The following RAP1GDS1 variants were observed in gnomAD, a reference collection of about 807,000 sequenced individuals.
RAP1GDS1 encodes the protein RAP1, GTP-GDP dissociation stimulator 1.
In RAP1GDS1, 35 loss-of-function variants were observed where a neutral mutation model predicts 71.1. That is an observed-to-expected ratio of 0.49 (90% CI 0.38 to 0.65). The LOEUF is 0.65. RAP1GDS1 is among the 30% of genes least tolerant of loss of function. The pLI, the probability that RAP1GDS1 is intolerant of heterozygous loss-of-function variation, is 0.00. For synonymous variants in RAP1GDS1, 229 were observed against 243.1 expected, an observed-to-expected ratio of 0.94 and a Z score of 0.54; for missense variants, 663 against 706.1, an observed-to-expected ratio of 0.94 and a Z score of 0.69.
Position 98,404,465 on chromosome 4 carries a change from T to C in RAP1GDS1, c.638-12T>C. The C allele has an allele frequency of 1.3e-6, 2 of 1,564,866 alleles. No individual in the cohort carries two copies. Among genetic ancestry groups the C allele is most frequent in the Non-Finnish European group, 1.7e-6 (2 of 1,165,276 alleles). On this transcript the variant is annotated splice_polypyrimidine_tract_variant and intron_variant, in intron 6 of 14. Transcript: ENST00000408927. ...CTTTATTTGGTTTAAGTTTTTCTTTTTTATTTTACAGAGTCAAGTAAAGAA... is the reference window on the plus strand; with the variant it reads ...CTTTATTTGGTTTAAGTTTTTCTTTCTTATTTTACAGAGTCAAGTAAAGAA...
intron 5 of RAP1GDS1, among the ~76,000 whole-genome samples, chr4:98,383,803 A>G (rs1323377959): frequency 4.0e-5 from 6 of 151,602 alleles, no homozygotes; most frequent in African/African-American, 1.4e-4. Context: ...TTCATAATTA[A>G]AAACTAAAAA....
At chr4:98,367,114 G>A (rs557545280) in intron 4 of RAP1GDS1, among the ~76,000 whole-genome samples, 60 of 152,210 alleles carry the variant, frequency 3.9e-4, no homozygotes, top group African/African-American at 1.3e-3. Context: ...TTTGTGGGCC[G>A]GGCCTAGGGC....
At chr4:98,293,301 G>GC (rs1415199413) in intron 1 of RAP1GDS1, 107 bp from the exon 2 acceptor site, 1 of 693,798 alleles carries the variant, frequency 1.4e-6, no homozygotes, top group African/African-American at 1.8e-5. Flanking sequence ...AGGTTAATTT[G>GC]CTATTATAGG....
chr4:98,305,676 T>C (rs1299804827), intron 2 of RAP1GDS1, among the ~76,000 whole-genome samples: 2 of 152,188 alleles, frequency 1.3e-5, no homozygotes, highest in East Asian at 1.9e-4. Context: ...CGATATGCTC[T>C]GAAGCACTGT....
rs562161755 is a variant in RAP1GDS1, at chr4:98,412,644, TG to T, written c.764-4100del. On this transcript the variant is annotated intron_variant, in intron 7 of 14. Transcript: ENST00000408927. ...GGTTAAGATACAAAGATGAGTAAGG[TG>T]TATCTATTGGGGGAACCAGCCCCCA... Among the ~76,000 whole-genome samples the T allele has an allele frequency of 7.2e-5, 11 of 152,280 alleles. No homozygotes were observed. In the South Asian group the frequency reaches 2.3e-3, roughly 32 times the overall value.
intron 1 of RAP1GDS1, among the ~76,000 whole-genome samples, chr4:98,269,565 G>A (rs557693569): frequency 5.3e-5 from 8 of 152,096 alleles, no homozygotes; most frequent in Non-Finnish European, 8.8e-5. Context: ...TTTGCAAGCC[G>A]TATATCCGAT....
intron 1 of RAP1GDS1, among the ~76,000 whole-genome samples, chr4:98,277,733 G>A (rs1279590997): frequency 6.6e-6 from 1 of 152,096 alleles, no homozygotes; most frequent in African/African-American, 2.4e-5. Flanking sequence ...GTAAATACTT[G>A]TTTGTAGATG....
chr4:98,348,685 T>A (rs1339230734), intron 3 of RAP1GDS1, among the ~76,000 whole-genome samples: 1 of 152,176 alleles, frequency 6.6e-6, no homozygotes, highest in Non-Finnish European at 1.5e-5. Flanking sequence ...TGTATCTCAT[T>A]GTGGTTTTGA....
At chr4:98,373,880 A>T (rs1740771296) in intron 4 of RAP1GDS1, among the ~76,000 whole-genome samples, 1 of 152,168 alleles carries the variant, frequency 6.6e-6, no homozygotes, top group Non-Finnish European at 1.5e-5. Flanking sequence ...CGATACCGTG[A>T]CAGCTGATCT....
chr4:98,404,714 A>T, intron 7 of RAP1GDS1, 112 bp downstream of exon 7: 1 of 1,316,192 alleles, frequency 7.6e-7, no homozygotes, highest in African/African-American at 1.5e-5. Context: ...TATTAGTGAT[A>T]TGTTTTATTT....
chr4:98,284,478 T>G (rs1414127545), intron 1 of RAP1GDS1, among the ~76,000 whole-genome samples: 2 of 152,206 alleles, frequency 1.3e-5, no homozygotes, highest in East Asian at 3.8e-4. Flanking sequence ...TAATGCTGTT[T>G]ATTGTACTAT....
chr4:98,415,706 A>G (rs1297368981), intron 7 of RAP1GDS1, among the ~76,000 whole-genome samples: 2 of 152,156 alleles, frequency 1.3e-5, no homozygotes, highest in Non-Finnish European at 2.9e-5. Flanking sequence ...TTAAAAATGT[A>G]ATTGGGATGT....
At chr4:98,425,762 G>GTTTTT in intron 12 of RAP1GDS1, among the ~76,000 whole-genome samples, 1 of 152,090 alleles carries the variant, frequency 6.6e-6, no homozygotes, top group African/African-American at 2.4e-5. Context: ...AAGATAGACA[G>GTTTTT]TAACACAATA....
intron 14 of RAP1GDS1, chr4:98,441,401 A>T (rs1751850850): frequency 1.0e-6 from 1 of 984,806 alleles, no homozygotes; most frequent in Non-Finnish European, 1.2e-6. Flanking sequence ...TTGTTGAAGG[A>T]TATGAAGTAT....
chr4:98,436,690 T>C (rs1028458170), intron 13 of RAP1GDS1, among the ~76,000 whole-genome samples: 3 of 152,214 alleles, frequency 2.0e-5, no homozygotes, highest in Admixed American at 2.0e-4. Flanking sequence ...TAATAAAAAG[T>C]TTAATTGTCT....
chr4:98,281,644 T>G (rs532032908), intron 1 of RAP1GDS1, among the ~76,000 whole-genome samples: 1 of 152,330 alleles, frequency 6.6e-6, no homozygotes, highest in Non-Finnish European at 1.5e-5. Context: ...TCCAACACTA[T>G]GCTGAATAGG....
chr4:98,380,592 G>A (rs1395960309), intron 5 of RAP1GDS1, among the ~76,000 whole-genome samples: 1 of 151,674 alleles, frequency 6.6e-6, no homozygotes, highest in Non-Finnish European at 1.5e-5. Flanking sequence ...ATAAATATGA[G>A]AAACAGAAAG....
At chr4:98,297,729 T>A (rs1727986566) in intron 2 of RAP1GDS1, among the ~76,000 whole-genome samples, 2 of 152,210 alleles carry the variant, frequency 1.3e-5, no homozygotes, top group Admixed American at 6.5e-5. Context: ...ACACAATGTT[T>A]AATTTAGACC....
intron 3 of RAP1GDS1, among the ~76,000 whole-genome samples, chr4:98,345,289 T>G (rs1213937461): frequency 6.6e-6 from 1 of 152,274 alleles, no homozygotes; most frequent in Non-Finnish European, 1.5e-5. Context: ...TGTTCATCTT[T>G]ACTCTGCTGT....
Sources: gnomAD v4.1 joint callset for allele counts (sites outside exome capture counted in the v4.1 genomes callset) on GRCh38, gnomAD v4.1.1 for gene constraint, MANE v1.5 for transcripts, NCBI Gene and HGNC (gene_info 2026-07-23, HGNC 2026-07-21) for gene names.